Variants in GSE1 observed in about 807,000 individuals in gnomAD.
GSE1 encodes genetic suppressor element 1.
GSE1 carries 32 observed loss-of-function variants against 112.6 expected under a neutral mutation model. The ratio of observed to expected loss-of-function variants is 0.28; its 90% CI spans 0.21 to 0.38. The LOEUF is 0.38. GSE1 is among the 10% of genes least tolerant of loss of function. The pLI, the probability that GSE1 is intolerant of heterozygous loss-of-function variation, is 1.00. For missense variants in GSE1, 2,348 were observed against 1,699.2 expected (o/e 1.38, Z -6.71); for synonymous variants, 1,115 against 735.6 (o/e 1.52, Z -8.35).
intron 1 of GSE1, among the ~76,000 whole-genome samples, chr16:85,251,025 C>T (rs558711542): frequency 6.6e-6 from 1 of 152,366 alleles, no homozygotes; most frequent in Non-Finnish European, 1.5e-5. Flanking sequence ...TAATATTCCA[C>T]TGTGTGGGTG....
chr16:85,465,380 G>C (rs2050095326), intron 2 of GSE1, among the ~76,000 whole-genome samples: 1 of 152,196 alleles, frequency 6.6e-6, no homozygotes, highest in Non-Finnish European at 1.5e-5. Flanking sequence ...CCAGGCCTGG[G>C]CTCCCATCTG....
chr16:85,654,331 C>A lies in GSE1; in HGVS notation c.480C>A (p.Pro160=). ...SGGRERLIVE[P]PLPQEKAGGP... ...GTCGGGAACGCCTCATTGTGGAGCCCCCGCTCCCTCAGGAGAAGGCAGGGG... is the reference window on the plus strand; with the variant it reads ...GTCGGGAACGCCTCATTGTGGAGCCACCGCTCCCTCAGGAGAAGGCAGGGG... The change falls in exon 4 of 16, where the codon CCC becomes CCA. Residue 160 remains proline, a synonymous_variant. Transcript: ENST00000253458. 1 of 1,611,644 alleles carries A rather than the reference C, an allele frequency of 6.2e-7. No individual in the cohort carries two copies. The highest frequency in any genetic ancestry group is 8.5e-7 in the Non-Finnish European group (1 of 1,179,510).
intron 1 of GSE1, among the ~76,000 whole-genome samples, chr16:85,241,152 C>T (rs972309026): frequency 3.7e-4 from 38 of 102,230 alleles, no homozygotes; most frequent in Admixed American, 5.7e-4. Context: ...TTCCTAGCTG[C>T]GTGACCTTGG....
intron 1 of GSE1, among the ~76,000 whole-genome samples, chr16:85,277,715 A>C (rs1354158377): frequency 6.6e-6 from 1 of 152,194 alleles, no homozygotes; most frequent in Non-Finnish European, 1.5e-5. Context: ...CCTACAAAGC[A>C]TCTCCTCTTT....
chr16:85,575,902 GTTT>G (rs11331736), intron 1 of GSE1, among the ~76,000 whole-genome samples: 1 of 132,622 alleles, frequency 7.5e-6, no homozygotes. Context: ...CCTCGTTTCT[GTTT>G]TTTTTTTTTT....
chr16:85,596,008 TCTC>T (rs1567628638), intron 1 of GSE1, among the ~76,000 whole-genome samples: 3 of 136,790 alleles, frequency 2.2e-5, no homozygotes, highest in African/African-American at 8.1e-5. Flanking sequence ...GCCCACCCAT[TCTC>T]CCATCTGCCC....
intron 2 of GSE1, among the ~76,000 whole-genome samples, chr16:85,452,066 A>G (rs2049700049): frequency 6.6e-6 from 1 of 151,424 alleles, no homozygotes; most frequent in Admixed American, 6.6e-5. Context: ...AGGTTAGACC[A>G]TGGCTGAAGA....
rs541016216 is a variant in GSE1, at chr16:85,657,589, C to G, written c.1625C>G (p.Pro542Arg). Residue 542 changes from proline (P) to arginine (R), a missense_variant, in exon 8 of 16, where the codon CCG becomes CGG. Physicochemically the swap from Pro to Arg is moderately radical, Grantham distance 103. Coordinates refer to ENST00000253458, the MANE Select transcript of GSE1 (RefSeq NM_014615.5). ...PPVPAEAEHRPESTTRPGPNR... is the reference protein window; with the variant it reads ...PPVPAEAEHRRESTTRPGPNR... ...GTGCCGGCGGAGGCAGAGCACAGGC[C>G]GGAGAGCACCACCAGGTGAGTGAGC... 2 of 1,536,262 alleles carry G rather than the reference C, an allele frequency of 1.3e-6. No homozygotes were observed. The highest frequency in any genetic ancestry group is 1.4e-5 in the African/African-American group (1 of 72,726).
At chr16:85,585,455 C>T (rs560584882) in intron 1 of GSE1, among the ~76,000 whole-genome samples, 6 of 152,332 alleles carry the variant, frequency 3.9e-5, no homozygotes, top group South Asian at 4.1e-4. Context: ...CCATGGAGTA[C>T]GCCCAGGACA....
intron 1 of GSE1, among the ~76,000 whole-genome samples, chr16:85,277,037 G>C (rs948824437): frequency 2.0e-5 from 3 of 152,176 alleles, no homozygotes; most frequent in Non-Finnish European, 1.5e-5. Flanking sequence ...GGATCGGATG[G>C]CATCTTCAAA....
intron 2 of GSE1, among the ~76,000 whole-genome samples, chr16:85,423,917 C>G (rs1424243876): frequency 6.6e-6 from 1 of 152,244 alleles, no homozygotes; most frequent in Admixed American, 6.5e-5. Flanking sequence ...AGGATGTCAG[C>G]CCCAGTACCT....
chr16:85,524,414 A>G (rs1041084023), intron 2 of GSE1, among the ~76,000 whole-genome samples: 10 of 152,074 alleles, frequency 6.6e-5, no homozygotes, highest in African/African-American at 2.2e-4. Context: ...TCAGAATGGG[A>G]TAGCAGAGAC....
chr16:85,254,148 C>G (rs1169307912), intron 1 of GSE1, among the ~76,000 whole-genome samples: 1 of 152,212 alleles, frequency 6.6e-6, no homozygotes, highest in Non-Finnish European at 1.5e-5. Flanking sequence ...CTCGGGATCG[C>G]CCCCAAGGGG....
chr16:85,611,435 C>T, upstream of GSE1: 3 of 983,988 alleles, frequency 3.0e-6, no homozygotes, highest in Non-Finnish European at 2.4e-6. Context: ...ATTATAGCGT[C>T]CGGCCAAGGC....
At chr16:85,520,426 CT>C (rs1461320541) in intron 2 of GSE1, among the ~76,000 whole-genome samples, 5 of 149,478 alleles carry the variant, frequency 3.3e-5, no homozygotes, top group Admixed American at 1.3e-4. Flanking sequence ...AGCCCTGCTC[CT>C]ATTTTTTTTT....
intron 1 of GSE1, among the ~76,000 whole-genome samples, chr16:85,241,455 G>A (rs555463661): frequency 5.9e-5 from 9 of 152,348 alleles, no homozygotes; most frequent in Admixed American, 5.2e-4. Flanking sequence ...TGTGGTGGGA[G>A]TGTTTACACC....
At chr16:85,230,698 A>C (rs1904276648) in intron 1 of GSE1, among the ~76,000 whole-genome samples, 2 of 152,184 alleles carry the variant, frequency 1.3e-5, no homozygotes, top group Non-Finnish European at 2.9e-5. Context: ...TGACTGGCCT[A>C]CCCCGGGGCA....
chr16:85,496,874 C>T (rs1044902793), intron 2 of GSE1, among the ~76,000 whole-genome samples: 9 of 151,162 alleles, frequency 6.0e-5, no homozygotes, highest in Non-Finnish European at 7.4e-5. Flanking sequence ...AGGGTTTCCA[C>T]GTGCCCCCTT....
At chr16:85,221,223 G>T (rs896249877) in intron 1 of GSE1, among the ~76,000 whole-genome samples, 1 of 151,986 alleles carries the variant, frequency 6.6e-6, no homozygotes, top group African/African-American at 2.4e-5. Context: ...CGGGCGGGGG[G>T]CCGGGCTGTG....
Sources: gnomAD v4.1 joint callset for allele counts (sites outside exome capture counted in the v4.1 genomes callset) on GRCh38, gnomAD v4.1.1 for gene constraint, MANE v1.5 for transcripts, NCBI Gene and HGNC (gene_info 2026-07-23, HGNC 2026-07-21) for gene names.